ADARB2: variants seen among roughly 807,000 people sequenced by gnomAD.
ADARB2 encodes adenosine deaminase RNA specific B2 (inactive), also known as inactive double-stranded RNA-specific editase B2.
A neutral mutation model predicts 62.2 loss-of-function variants in ADARB2; 25 were observed. The observed-to-expected ratio is 0.40, with a 90% CI of 0.29 to 0.56. ADARB2 has a LOEUF of 0.56. Ranked by LOEUF, ADARB2 falls within the 20% of genes least tolerant of loss-of-function variation. ADARB2 has a pLI of 0.43. For missense variants in ADARB2, 1,071 were observed against 1,077.4 expected (o/e 0.99, Z 0.08); for synonymous variants, 572 against 500.8 (o/e 1.14, Z -1.90).
intron 7 of ADARB2, among the ~76,000 whole-genome samples, chr10:1,203,471 A>G (rs1330691508): frequency 6.6e-6 from 1 of 152,054 alleles, no homozygotes; most frequent in Admixed American, 6.5e-5. Context: ...AGGAGAAGTA[A>G]CTCTCTAAAG....
At chr10:1,582,842 A>T (rs1458348137) in intron 1 of ADARB2, among the ~76,000 whole-genome samples, 1 of 152,202 alleles carries the variant, frequency 6.6e-6, no homozygotes, top group Non-Finnish European at 1.5e-5. Context: ...AGTGCCCTTC[A>T]GCACTGATTT....
chr10:1,536,811 T>C (rs537683249), intron 1 of ADARB2, among the ~76,000 whole-genome samples: 1 of 152,290 alleles, frequency 6.6e-6, no homozygotes, highest in East Asian at 1.9e-4. Flanking sequence ...AAAAATTAAC[T>C]TAAGATGGAT....
intron 1 of ADARB2, among the ~76,000 whole-genome samples, chr10:1,733,151 C>T (rs1352082428): frequency 6.6e-6 from 1 of 152,186 alleles, no homozygotes; most frequent in Non-Finnish European, 1.5e-5. Flanking sequence ...GGCCAGTCAC[C>T]CCTGAAGCCC....
At chr10:1,231,984 T>C (rs1272620097) in intron 6 of ADARB2, among the ~76,000 whole-genome samples, 1 of 152,206 alleles carries the variant, frequency 6.6e-6, no homozygotes, top group Admixed American at 6.5e-5. Flanking sequence ...ACAAAAATGC[T>C]TAATTTTCCT....
At chr10:1,594,149 G>T (rs995861649) in intron 1 of ADARB2, among the ~76,000 whole-genome samples, 3 of 152,128 alleles carry the variant, frequency 2.0e-5, no homozygotes, top group African/African-American at 4.8e-5. Flanking sequence ...AATTAGCCAG[G>T]CATGGTGGCG....
intron 1 of ADARB2, among the ~76,000 whole-genome samples, chr10:1,487,922 C>T (rs1831564777): frequency 6.6e-6 from 1 of 152,062 alleles, no homozygotes; most frequent in Non-Finnish European, 1.5e-5. Context: ...AACAAACAAA[C>T]AAACAGATGA....
intron 1 of ADARB2, among the ~76,000 whole-genome samples, chr10:1,731,738 C>T (rs1488163131): frequency 1.3e-5 from 2 of 152,340 alleles, no homozygotes; most frequent in Admixed American, 6.5e-5. Context: ...CTCGGCCACA[C>T]ACCAGGCAGA....
At chr10:1,472,852 G>C (rs550824647) in intron 1 of ADARB2, among the ~76,000 whole-genome samples, 2 of 152,280 alleles carry the variant, frequency 1.3e-5, no homozygotes, top group South Asian at 4.2e-4. Context: ...CACACAGCAG[G>C]AGTGTCGGGT....
chr10:1,373,219 CTCTG>C (rs1347456366), intron 2 of ADARB2, among the ~76,000 whole-genome samples: 6 of 152,104 alleles, frequency 3.9e-5, no homozygotes, highest in Admixed American at 6.5e-5. Flanking sequence ...GAGTACCACT[CTCTG>C]TCTGTCTCCG....
chr10:1,660,491 T>C (rs1834232146), intron 1 of ADARB2, among the ~76,000 whole-genome samples: 1 of 152,134 alleles, frequency 6.6e-6, no homozygotes. Context: ...GGTAACTGCA[T>C]GTAATGAGGG....
At chr10:1,464,678 C>T (rs771245654) in intron 1 of ADARB2, among the ~76,000 whole-genome samples, 2 of 73,038 alleles carry the variant, frequency 2.7e-5, no homozygotes, top group Non-Finnish European at 6.4e-5. Flanking sequence ...CCCCCACACA[C>T]GCGCTGGGGG....
At chr10:1,456,511 T>A (rs1339673190) in intron 1 of ADARB2, among the ~76,000 whole-genome samples, 2 of 152,206 alleles carry the variant, frequency 1.3e-5, no homozygotes, top group Non-Finnish European at 2.9e-5. Flanking sequence ...ACTAATTTTC[T>A]GCTCTTAGCT....
At chr10:1,192,199 T>C (rs886147336) in intron 8 of ADARB2, among the ~76,000 whole-genome samples, 8 of 152,208 alleles carry the variant, frequency 5.3e-5, no homozygotes, top group African/African-American at 1.9e-4. Context: ...ACAAGACATC[T>C]CAGGAGTATA....
At chr10:1,420,963 G>C (rs4543904) in intron 1 of ADARB2, among the ~76,000 whole-genome samples, 79,623 of 151,744 alleles carry the variant, frequency 0.52, 23,741 homozygotes, top group Middle Eastern at 0.69. Context: ...TGCGCCGCTC[G>C]GTTCTCCTTC....
intron 1 of ADARB2, among the ~76,000 whole-genome samples, chr10:1,543,955 G>C (rs1408147131): frequency 6.7e-6 from 1 of 149,592 alleles, no homozygotes; most frequent in African/African-American, 2.5e-5. Flanking sequence ...TGTTTGTGAT[G>C]GTCCACAGAT....
At chr10:1,591,692 A>G (rs1165248910) in intron 1 of ADARB2, among the ~76,000 whole-genome samples, 1 of 144,466 alleles carries the variant, frequency 6.9e-6, no homozygotes, top group Non-Finnish European at 1.5e-5. Flanking sequence ...CACACTCACC[A>G]GGACCCCCCC....
At chr10:1,377,184 GGTGTGTGCTCCTGGGGTGTGTGCGTTT>G (rs1250026352) in intron 2 of ADARB2, among the ~76,000 whole-genome samples, 36 of 128,414 alleles carry the variant, frequency 2.8e-4, no homozygotes, top group South Asian at 2.8e-3. Flanking sequence ...GCGCCTCTGG[GGTGTGTGCTCCTGGGGTGTGTGCGTTT>G]GTGTGCGCCC....
chr10:1,417,857 C>T (rs1182044771), intron 1 of ADARB2, among the ~76,000 whole-genome samples: 3 of 152,216 alleles, frequency 2.0e-5, no homozygotes, highest in East Asian at 1.9e-4. Context: ...GTTGAGGCCA[C>T]GCGCTGTGGG....
chr10:1,656,135 C>T (rs867213846), intron 1 of ADARB2, among the ~76,000 whole-genome samples: 1 of 152,136 alleles, frequency 6.6e-6, no homozygotes, highest in African/African-American at 2.4e-5. Flanking sequence ...TTCTTACTCC[C>T]CCTGCTTTTG....
Sources: gnomAD v4.1 joint callset for allele counts (sites outside exome capture counted in the v4.1 genomes callset) on GRCh38, gnomAD v4.1.1 for gene constraint, MANE v1.5 for transcripts, NCBI Gene and HGNC (gene_info 2026-07-23, HGNC 2026-07-21) for gene names.